The following FNDC7 variants were observed in gnomAD, a reference collection of about 807,000 sequenced individuals.
FNDC7 encodes fibronectin type III domain containing 7, also known as fibronectin type III domain-containing protein 7.
A neutral mutation model predicts 74.2 loss-of-function variants in FNDC7; 66 were observed. The observed-to-expected ratio is 0.89, with a 90% CI of 0.73 to 1.09. FNDC7 has a LOEUF of 1.09. Among genes scored for constraint, FNDC7 ranks in the 50% least tolerant of loss-of-function variants. The pLI, the probability that FNDC7 is intolerant of heterozygous loss-of-function variation, is 0.00. For synonymous variants in FNDC7, 307 were observed against 330.2 expected (o/e 0.93, Z 0.76); for missense variants, 829 against 893.4 (o/e 0.93, Z 0.92).
At position 108,742,137 on chromosome 1, in the gene FNDC7, G is replaced by A; in HGVS notation, c.*250G>A. On this transcript the variant is annotated 3_prime_UTR_variant, in exon 13 of 13. Transcript: ENST00000370017. Reference sequence around the variant, plus strand: ...GAGAAATGAATCCAGAAAGTCCCCTGGACGGCTGCTAGCCTGAGTTGGCAC... The same window carrying A: ...GAGAAATGAATCCAGAAAGTCCCCTAGACGGCTGCTAGCCTGAGTTGGCAC... 3.0e-6 allele frequency: 1 copy of A among 337,620 alleles called. No homozygotes were observed. The highest frequency in any genetic ancestry group is 5.4e-6 in the Non-Finnish European group (1 of 183,968). The allele number at this position is 337,620 out of a possible 1,614,324, so 20.9% of individuals were successfully genotyped here.
chr1:108,719,362 C>A (rs1014328041), intron 4 of FNDC7, among the ~76,000 whole-genome samples: 1 of 152,200 alleles, frequency 6.6e-6, no homozygotes. Flanking sequence ...TTACCCATCA[C>A]CCCTTGTCCC....
Position 108,725,740 on chromosome 1 carries a change from C to A in FNDC7, c.857-10C>A. ...CAGTAGTCTCATGTTTATTATTGAT[C>A]ATTTCCTAGTTGCTTGTGCACCCGG... On this transcript the variant is annotated splice_polypyrimidine_tract_variant and intron_variant, in intron 5 of 12. Transcript: ENST00000370017. 6.2e-7 allele frequency: 1 copy of A among 1,611,104 alleles called. No homozygotes were observed. The highest frequency in any genetic ancestry group is 8.5e-7 in the Non-Finnish European group (1 of 1,178,148).
rs1661017073 is a variant in FNDC7, at chr1:108,717,991, T to A, written c.297T>A (p.Ala99=). ...TCACCATCAGATCCATCAGCGCTGC[T>A]GGGAGAAGCCAGGCGTCACCTCCAA... ...YEITIRSISA[A]GRSQASPPKQ... is the part of the protein sequence containing the mutation. The change falls in exon 3 of 13, where the codon GCT becomes GCA. Residue 99 remains alanine (A), a synonymous_variant. Transcript: ENST00000370017. The A allele has an allele frequency of 6.4e-7, 1 of 1,551,594 alleles. No individual in the cohort carries two copies. Among genetic ancestry groups the A allele is most frequent in the African/African-American group, 1.4e-5 (1 of 73,030 alleles).
In FNDC7 at chr1:108,722,416, G is replaced by T; in HGVS notation, c.680G>T (p.Gly227Val). 6.2e-7 allele frequency: 1 copy of T among 1,614,216 alleles called. No homozygotes were observed. The highest frequency in any genetic ancestry group is 8.5e-7 in the Non-Finnish European group (1 of 1,180,032). The part of the protein sequence containing the change: ...KASFSWARAE[G>V]AFNYTVMALS... Reference sequence around the variant, plus strand: ...TCTTTTTCCTGGGCACGGGCAGAAGGAGCTTTCAATTATACTGTGATGGCT... The same window carrying T: ...TCTTTTTCCTGGGCACGGGCAGAAGTAGCTTTCAATTATACTGTGATGGCT... Residue 227 changes from glycine to valine, a missense_variant, in exon 5 of 13, where the codon GGA becomes GTA. Transcript: ENST00000370017.
Position 108,728,795 on chromosome 1 carries a change from C to T in FNDC7, c.1533C>T (p.Gly511=). 6.2e-7 allele frequency: 1 copy of T among 1,614,260 alleles called. No individual in the cohort carries two copies. Residue 511 remains glycine (G), a synonymous_variant, in exon 8 of 13, where the codon GGC becomes GGT. Coordinates refer to ENST00000370017, the MANE Select transcript of FNDC7 (RefSeq NM_001144937.3). ...SSTGESCTMR[G]LPCGSVFSVT... is the part of the protein sequence containing the mutation. ...CAGGAGAGTCCTGCACCATGCGGGGCTTGCCCTGTGGCTCAGTGTTCTCTG... is the reference window on the plus strand; with the variant it reads ...CAGGAGAGTCCTGCACCATGCGGGGTTTGCCCTGTGGCTCAGTGTTCTCTG...
intron 1 of FNDC7, 65 bp downstream of exon 1, chr1:108,713,061 T>A: frequency 2.1e-6 from 3 of 1,424,080 alleles, no homozygotes; most frequent in South Asian, 1.3e-5. Flanking sequence ...ATTATTTTTC[T>A]CTCCTTTTTT....
At chr1:108,713,718 T>C (rs1018983709) in intron 2 of FNDC7, among the ~76,000 whole-genome samples, 189 bp downstream of exon 2, 3 of 152,218 alleles carry the variant, frequency 2.0e-5, no homozygotes, top group Non-Finnish European at 2.9e-5. Context: ...GACAAATAAA[T>C]GGATTGAACT....
At chr1:108,726,095 C>A in intron 6 of FNDC7, 91 bp downstream of exon 6, 1 of 1,425,688 alleles carries the variant, frequency 7.0e-7, no homozygotes. Context: ...TGACTTACCA[C>A]CTGGGAGTCA....
chr1:108,726,469 A>G (rs1661222436), intron 6 of FNDC7, among the ~76,000 whole-genome samples: 1 of 152,350 alleles, frequency 6.6e-6, no homozygotes, highest in East Asian at 1.9e-4. Context: ...AGTGAGGATA[A>G]TGATGCCCAC....
intron 11 of FNDC7, 60 bp from the exon 12 acceptor site, chr1:108,741,713 T>C: frequency 6.4e-7 from 1 of 1,563,406 alleles, no homozygotes; most frequent in East Asian, 2.2e-5. Context: ...TGGTGCTTTT[T>C]AAGAAAATGT....
chr1:108,735,221 C>T (rs745806808), intron 10 of FNDC7, among the ~76,000 whole-genome samples: 1 of 152,132 alleles, frequency 6.6e-6, no homozygotes, highest in East Asian at 1.9e-4. Flanking sequence ...TCCTAAATCC[C>T]GAGTCTTCTC....
rs554319613 is a variant in FNDC7, at chr1:108,720,254, G to A, written c.598+1205G>A. Among the ~76,000 whole-genome samples the A allele has an allele frequency of 1.1e-4, 17 of 152,164 alleles. No individual in the cohort carries two copies. In the South Asian group the frequency reaches 3.1e-3, roughly 28 times the overall value. ...AGGGCCCACTGTGTGCTGGGCATAAGTTAGCTGATGGAAATACAAAAGCAA... is the reference window on the plus strand; with the variant it reads ...AGGGCCCACTGTGTGCTGGGCATAAATTAGCTGATGGAAATACAAAAGCAA... On this transcript the variant is annotated intron_variant, in intron 4 of 12. Transcript: ENST00000370017.
At chr1:108,724,089 AC>A (rs1410203955) in intron 5 of FNDC7, among the ~76,000 whole-genome samples, 1 of 152,198 alleles carries the variant, frequency 6.6e-6, no homozygotes, top group Non-Finnish European at 1.5e-5. Flanking sequence ...ACTAGAGAAA[AC>A]TAAAATTTTT....
At chr1:108,729,982 A>G (rs1305944279) in intron 8 of FNDC7, among the ~76,000 whole-genome samples, 1 of 152,248 alleles carries the variant, frequency 6.6e-6, no homozygotes, top group African/African-American at 2.4e-5. Flanking sequence ...GTGATGTACT[A>G]TGAAATTTTC....
At chr1:108,716,055 C>T (rs1479995839) in intron 2 of FNDC7, among the ~76,000 whole-genome samples, 2 of 152,132 alleles carry the variant, frequency 1.3e-5, no homozygotes, top group African/African-American at 2.4e-5. Context: ...CCATGACAGG[C>T]CTGTGGGGAG....
chr1:108,713,045 A>T (rs1001502529), intron 1 of FNDC7, 49 bp downstream of exon 1: 40 of 1,484,920 alleles, frequency 2.7e-5, no homozygotes, highest in Non-Finnish European at 3.6e-5. Context: ...GAAAAAAGAA[A>T]GACACATTAT....
intron 4 of FNDC7, among the ~76,000 whole-genome samples, chr1:108,719,890 G>A (rs1661060963): frequency 1.3e-5 from 2 of 152,206 alleles, no homozygotes; most frequent in African/African-American, 4.8e-5. Flanking sequence ...TCCACTTGGG[G>A]AGGACACAGG....
chr1:108,721,208 G>T (rs1202481255), intron 4 of FNDC7, among the ~76,000 whole-genome samples: 2 of 152,082 alleles, frequency 1.3e-5, no homozygotes, highest in Non-Finnish European at 2.9e-5. Flanking sequence ...GGTAGCTCAC[G>T]CCTGTAATCC....
chr1:108,731,078 C>A, intron 9 of FNDC7, 150 bp downstream of exon 9: 2 of 978,988 alleles, frequency 2.0e-6, no homozygotes, highest in Non-Finnish European at 2.9e-6. Context: ...TATAGTTTCC[C>A]TTTGACTTAG....
Sources: gnomAD v4.1 joint callset for allele counts (sites outside exome capture counted in the v4.1 genomes callset) on GRCh38, gnomAD v4.1.1 for gene constraint, MANE v1.5 for transcripts, NCBI Gene and HGNC (gene_info 2026-07-23, HGNC 2026-07-21) for gene names.